DPP10: variants seen among roughly 807,000 people sequenced by gnomAD.
DPP10 encodes the protein inactive dipeptidyl peptidase 10.
Under a neutral mutation model 120.9 loss-of-function variants are expected in DPP10, and 33 were observed. That is an observed-to-expected ratio of 0.27 (90% confidence interval 0.21 to 0.37). The LOEUF (loss-of-function observed/expected upper bound fraction) is 0.37. Ranked by LOEUF, DPP10 falls within the 10% of genes least tolerant of loss-of-function variation. DPP10 has a pLI of 1.00. For synonymous variants in DPP10, 337 were observed against 326.1 expected (o/e 1.03, Z -0.36); for missense variants, 816 against 942.8 (o/e 0.87, Z 1.76).
chr2:115,130,146 T>C (rs756165005), intron 1 of DPP10, among the ~76,000 whole-genome samples: 12 of 152,194 alleles, frequency 7.9e-5, no homozygotes, highest in African/African-American at 2.7e-4. Context: ...GCCTCCCCTA[T>C]AGTTAGCTAG....
intron 1 of DPP10, among the ~76,000 whole-genome samples, chr2:114,917,255 CT>C (rs1213365901): frequency 1.3e-5 from 2 of 152,098 alleles, no homozygotes; most frequent in Non-Finnish European, 2.9e-5. Flanking sequence ...AGGAACACAG[CT>C]AACCAAGGAA....
intron 3 of DPP10, among the ~76,000 whole-genome samples, chr2:115,387,138 G>A (rs1465676855): frequency 6.6e-6 from 1 of 151,922 alleles, no homozygotes; most frequent in Non-Finnish European, 1.5e-5. Context: ...CCTTTGCCTG[G>A]CCCTTCTGTG....
intron 1 of DPP10, among the ~76,000 whole-genome samples, chr2:114,447,039 T>TTA (rs2104524306): frequency 6.6e-6 from 1 of 151,044 alleles, no homozygotes; most frequent in Non-Finnish European, 1.5e-5. Flanking sequence ...GTTAAATTTT[T>TTA]TTTTTTTTTT....
At chr2:115,368,297 GCCCCT>G (rs2065197861) in intron 3 of DPP10, among the ~76,000 whole-genome samples, 1 of 152,118 alleles carries the variant, frequency 6.6e-6, no homozygotes, top group African/African-American at 2.4e-5. Flanking sequence ...CCTTCTGGTA[GCCCCT>G]GGGGGCCATT....
chr2:114,942,942 CG>C (rs2104584425), intron 1 of DPP10, among the ~76,000 whole-genome samples: 1 of 152,166 alleles, frequency 6.6e-6, no homozygotes, highest in Admixed American at 6.5e-5. Context: ...AGTACACCTG[CG>C]GAACATGCAG....
intron 1 of DPP10, among the ~76,000 whole-genome samples, chr2:115,082,623 C>G (rs1489589558): frequency 6.6e-6 from 1 of 152,202 alleles, no homozygotes; most frequent in Admixed American, 6.5e-5. Flanking sequence ...GGTATATCCA[C>G]TCTTACTTTT....
chr2:115,692,745 C>T (rs929369641), intron 7 of DPP10, among the ~76,000 whole-genome samples: 4 of 151,984 alleles, frequency 2.6e-5, no homozygotes, highest in Admixed American at 6.6e-5. Flanking sequence ...AATATGTACA[C>T]CATCATATCA....
At chr2:114,632,529 T>TG (rs1553473545) in intron 1 of DPP10, among the ~76,000 whole-genome samples, 1 of 144,712 alleles carries the variant, frequency 6.9e-6, no homozygotes, top group Non-Finnish European at 1.5e-5. Context: ...TTTTTTTTTT[T>TG]GGAGAAGGAG....
intron 1 of DPP10, among the ~76,000 whole-genome samples, chr2:114,940,039 G>A (rs1015859384): frequency 3.3e-5 from 5 of 152,088 alleles, no homozygotes; most frequent in African/African-American, 7.2e-5. Context: ...CTCTTGCAGT[G>A]TGTGCTTATC....
At chr2:115,562,236 CAT>C (rs2080731871) in intron 5 of DPP10, among the ~76,000 whole-genome samples, 1 of 152,188 alleles carries the variant, frequency 6.6e-6, no homozygotes, top group Non-Finnish European at 1.5e-5. Context: ...CTCTGCCATT[CAT>C]TTAAGGCTGT....
chr2:115,750,450 A>T (rs951608890), intron 10 of DPP10, among the ~76,000 whole-genome samples: 1 of 152,168 alleles, frequency 6.6e-6, no homozygotes, highest in Non-Finnish European at 1.5e-5. Flanking sequence ...CGTTTGTTAG[A>T]CTTTACCAAT....
intron 3 of DPP10, chr2:115,468,258 T>C (rs929001047): frequency 7.9e-6 from 4 of 509,528 alleles, no homozygotes; most frequent in Non-Finnish European, 1.6e-5. Context: ...ATTGTTGCCA[T>C]TGAAAACTGA....
At chr2:115,274,565 G>A (rs1209532754) in intron 1 of DPP10, among the ~76,000 whole-genome samples, 1 of 152,140 alleles carries the variant, frequency 6.6e-6, no homozygotes, top group African/African-American at 2.4e-5. Context: ...AATTTACACA[G>A]CGGAGGCTTT....
chr2:114,732,777 C>G (rs1008086938), intron 1 of DPP10, among the ~76,000 whole-genome samples: 2 of 152,038 alleles, frequency 1.3e-5, no homozygotes, highest in African/African-American at 4.8e-5. Flanking sequence ...TTACTATATG[C>G]CAAGCATTTT....
intron 3 of DPP10, among the ~76,000 whole-genome samples, chr2:115,459,432 C>T (rs979365179): frequency 1.3e-5 from 2 of 152,158 alleles, no homozygotes; most frequent in Admixed American, 6.6e-5. Context: ...GCTGGGATTA[C>T]AGGCATGAGC....
At chr2:114,609,996 C>T (rs912835443) in intron 1 of DPP10, among the ~76,000 whole-genome samples, 11 of 152,260 alleles carry the variant, frequency 7.2e-5, no homozygotes, top group Admixed American at 3.9e-4. Flanking sequence ...ATGTACTTGG[C>T]TATGTTCCAG....
At chr2:115,126,686 G>A (rs1181877194) in intron 1 of DPP10, among the ~76,000 whole-genome samples, 4 of 151,142 alleles carry the variant, frequency 2.6e-5, no homozygotes, top group African/African-American at 9.8e-5. Context: ...TCTCTCTCTT[G>A]TTTCTTTTTG....
chr2:114,764,843 A>G (rs1680574408), intron 1 of DPP10, among the ~76,000 whole-genome samples: 1 of 152,290 alleles, frequency 6.6e-6, no homozygotes, highest in South Asian at 2.1e-4. Flanking sequence ...GCAATTTATG[A>G]ATGCAATTTT....
chr2:115,442,363 T>TGTG, intron 3 of DPP10, among the ~76,000 whole-genome samples: 1 of 147,350 alleles, frequency 6.8e-6, no homozygotes, highest in South Asian at 2.2e-4. Flanking sequence ...GTGTGTGTGT[T>TGTG]TGTGTGTGTG....
Sources: allele counts gnomAD v4.1 joint callset (sites outside exome capture counted in the v4.1 genomes callset), GRCh38; gene constraint gnomAD v4.1.1; transcripts MANE v1.5; gene names NCBI Gene and HGNC (gene_info 2026-07-23, HGNC 2026-07-21).